SIPA1L3: variants seen among roughly 807,000 people sequenced by gnomAD.
SIPA1L3 encodes the protein signal-induced proliferation-associated 1-like protein 3.
A neutral mutation model predicts 150.1 loss-of-function variants in SIPA1L3; 59 were observed. That is an observed-to-expected ratio of 0.39 (90% CI 0.32 to 0.49). The LOEUF is 0.49. Ranked by LOEUF, SIPA1L3 falls within the 20% of genes least tolerant of loss-of-function variation. The pLI, the probability that SIPA1L3 is intolerant of heterozygous loss-of-function variation, is 0.86. For synonymous variants in SIPA1L3, 1,070 were observed against 1,077.6 expected, an observed-to-expected ratio of 0.99 and a Z score of 0.14; for missense variants, 2,211 against 2,489.5, an observed-to-expected ratio of 0.89 and a Z score of 2.38.
chr19:38,108,015 C>A (rs1377127636), intron 7 of SIPA1L3, among the ~76,000 whole-genome samples: 2 of 151,802 alleles, frequency 1.3e-5, no homozygotes, highest in East Asian at 3.9e-4. Context: ...GCGCTTTGAT[C>A]TCAGAATTAG....
chr19:37,997,558 A>G (rs1388528930), intron 1 of SIPA1L3, among the ~76,000 whole-genome samples: 1 of 90,726 alleles, frequency 1.1e-5, no homozygotes, highest in Non-Finnish European at 2.0e-5. Context: ...ACAGAGTGAG[A>G]CTGTCTCATT....
intron 2 of SIPA1L3, among the ~76,000 whole-genome samples, chr19:38,032,839 C>T (rs549977912): frequency 1.0e-3 from 132 of 131,446 alleles, no homozygotes; most frequent in Non-Finnish European, 1.7e-3. Flanking sequence ...GGCAACAGAG[C>T]GAGACTCGGT....
At chr19:38,203,387 C>T (rs958355451) in intron 20 of SIPA1L3, among the ~76,000 whole-genome samples, 4 of 152,332 alleles carry the variant, frequency 2.6e-5, no homozygotes, top group Admixed American at 6.5e-5. Context: ...CCGACCGCCA[C>T]CGCCTCTGTG....
intron 1 of SIPA1L3, among the ~76,000 whole-genome samples, chr19:38,028,031 A>T (rs1160071312): frequency 2.0e-5 from 3 of 152,114 alleles, no homozygotes; most frequent in Non-Finnish European, 4.4e-5. Flanking sequence ...CATTGCATAT[A>T]GGACAGCTCT....
At chr19:38,133,163 C>T (rs1004099842) in intron 10 of SIPA1L3, among the ~76,000 whole-genome samples, 1 of 152,124 alleles carries the variant, frequency 6.6e-6, no homozygotes, top group African/African-American at 2.4e-5. Context: ...TGTGAGAAGG[C>T]ACTGCGTGCC....
At chr19:38,044,122 G>A (rs978969252) in intron 2 of SIPA1L3, among the ~76,000 whole-genome samples, 8 of 152,202 alleles carry the variant, frequency 5.3e-5, no homozygotes, top group African/African-American at 1.9e-4. Context: ...CCTGAGGTTT[G>A]GGCCTGGACA....
At chr19:38,144,609 G>C (rs1209692448) in intron 12 of SIPA1L3, among the ~76,000 whole-genome samples, 1 of 152,226 alleles carries the variant, frequency 6.6e-6, no homozygotes, top group Non-Finnish European at 1.5e-5. Context: ...TAAGCCTCTT[G>C]TTCAATTGGA....
rs140757614 is a variant in SIPA1L3 at position 38,152,845 on chromosome 19, C to T, written c.3539C>T (p.Thr1180Met). 3.9e-5 allele frequency: 63 copies of T among 1,610,314 alleles called. No homozygotes were observed. The highest frequency in any genetic ancestry group is 2.4e-4 in the African/African-American group (18 of 74,980). ...GTTCTTCTCATCCCCTGCAGGTACA[C>T]GGCTGCCCCACACCCCCTGCTATCT... is the stretch of plus-strand genomic sequence containing the variant. ...VRYKPSPERY[T>M]AAPHPLLSLD... The change falls in exon 13 of 22, where the codon ACG becomes ATG. Residue 1180 changes from threonine (T) to methionine (M), a missense_variant. Thr to Met is a moderately conservative substitution (Grantham distance 81, BLOSUM62 -1). Coordinates refer to ENST00000222345, the MANE Select transcript of SIPA1L3 (RefSeq NM_015073.3).
intron 8 of SIPA1L3, among the ~76,000 whole-genome samples, chr19:38,118,071 C>G: frequency 6.6e-6 from 1 of 152,070 alleles, no homozygotes; most frequent in South Asian, 2.1e-4. Flanking sequence ...TCAGCATCTA[C>G]CAGAGGAATG....
At chr19:38,130,426 A>C in intron 9 of SIPA1L3, 72 bp from the exon 10 acceptor site, 1 of 1,503,770 alleles carries the variant, frequency 6.6e-7, no homozygotes, top group Non-Finnish European at 9.0e-7. Context: ...AAAGCGGGGA[A>C]CGTGACCAGG....
At chr19:38,086,455 G>A (rs1369476817) in intron 3 of SIPA1L3, among the ~76,000 whole-genome samples, 4 of 152,198 alleles carry the variant, frequency 2.6e-5, no homozygotes, top group East Asian at 3.9e-4. Flanking sequence ...TTCGGAGGCC[G>A]AGGTAGGATG....
chr19:37,922,534 C>T (rs1213708458), intron 1 of SIPA1L3, among the ~76,000 whole-genome samples: 2 of 151,928 alleles, frequency 1.3e-5, no homozygotes, highest in African/African-American at 2.4e-5. Context: ...GCTGGGACTA[C>T]AGGTACCCGC....
intron 1 of SIPA1L3, among the ~76,000 whole-genome samples, chr19:37,960,553 A>G (rs1599843016): frequency 6.6e-6 from 1 of 150,444 alleles, no homozygotes; most frequent in African/African-American, 2.4e-5. Flanking sequence ...ACAGGTGCCC[A>G]CCACCACGCC....
At chr19:38,176,833 T>C (rs1338624903) in intron 15 of SIPA1L3, among the ~76,000 whole-genome samples, 1 of 151,916 alleles carries the variant, frequency 6.6e-6, no homozygotes, top group Admixed American at 6.6e-5. Flanking sequence ...TAGCTGGGTG[T>C]GGTGGCACAT....
chr19:38,055,982 G>A (rs552361217), intron 2 of SIPA1L3, among the ~76,000 whole-genome samples: 8 of 152,206 alleles, frequency 5.3e-5, no homozygotes, highest in Non-Finnish European at 1.0e-4. Flanking sequence ...CAAACATACT[G>A]CCCTGAGACG....
At chr19:37,989,483 C>T (rs1338062495) in intron 1 of SIPA1L3, among the ~76,000 whole-genome samples, 1 of 152,084 alleles carries the variant, frequency 6.6e-6, no homozygotes, top group Non-Finnish European at 1.5e-5. Context: ...CTTGGACTCC[C>T]AAAGCCCTGG....
intron 1 of SIPA1L3, among the ~76,000 whole-genome samples, chr19:38,017,462 TCTC>T (rs1968264383): frequency 1.3e-5 from 2 of 151,588 alleles, no homozygotes; most frequent in South Asian, 4.2e-4. Flanking sequence ...TCACCAGAGT[TCTC>T]CTTTCCTTCC....
chr19:38,172,656 G>A (rs1392416024), intron 15 of SIPA1L3, among the ~76,000 whole-genome samples: 1 of 152,168 alleles, frequency 6.6e-6, no homozygotes, highest in African/African-American at 2.4e-5. Flanking sequence ...GCTGAAGCAG[G>A]TGGGATGGGG....
chr19:38,028,753 C>A (rs183477734), intron 1 of SIPA1L3, among the ~76,000 whole-genome samples: 74 of 148,974 alleles, frequency 5.0e-4, no homozygotes, highest in African/African-American at 1.7e-3. Flanking sequence ...AGTGCAGTGG[C>A]ACAATCTTGG....
Sources: allele counts gnomAD v4.1 joint callset (sites outside exome capture counted in the v4.1 genomes callset), GRCh38; gene constraint gnomAD v4.1.1; transcripts MANE v1.5; gene names NCBI Gene and HGNC (gene_info 2026-07-23, HGNC 2026-07-21).